Variants in PDZRN3 observed in about 807,000 individuals in gnomAD.
PDZRN3 encodes E3 ubiquitin-protein ligase PDZRN3.
A neutral mutation model predicts 85.7 loss-of-function variants in PDZRN3; 38 were observed. The observed-to-expected ratio is 0.44, with a 90% CI of 0.34 to 0.58. The LOEUF (loss-of-function observed/expected upper bound fraction) is 0.58, where lower values mean the gene tolerates loss of function less well. Among genes scored for constraint, PDZRN3 ranks in the 20% least tolerant of loss-of-function variants. The pLI is 0.01. For missense variants in PDZRN3, 1,629 were observed against 1,506.4 expected, an observed-to-expected ratio of 1.08 and a Z score of -1.35; for synonymous variants, 759 against 638.0, an observed-to-expected ratio of 1.19 and a Z score of -2.86.
In PDZRN3 at chr3:73,526,479, C is replaced by T. The variant is rs78954128; in HGVS notation, c.918+75875G>A. 3.4e-3 allele frequency among the ~76,000 whole-genome samples: 522 copies of T among 152,280 alleles called. 2 individuals are homozygous for T. Among genetic ancestry groups the T allele is most frequent in the African/African-American group, 0.012 (489 of 41,546 alleles). ...TAAACTCAGAACATTATCTCCATTA[C>T]ATCTCTCCTGTCAGGTTTTCACATC... On this transcript the variant is annotated intron_variant, in intron 3 of 9. Transcript: ENST00000263666.
At chr3:73,398,612 G>A (rs1418899460) in intron 5 of PDZRN3, among the ~76,000 whole-genome samples, 2 of 152,218 alleles carry the variant, frequency 1.3e-5, no homozygotes, top group African/African-American at 4.8e-5. Context: ...CCCTCCTGCT[G>A]AAAGCAGGAT....
chr3:73,528,501 T>A (rs1159767220), intron 3 of PDZRN3, among the ~76,000 whole-genome samples: 1 of 152,194 alleles, frequency 6.6e-6, no homozygotes, highest in African/African-American at 2.4e-5. Flanking sequence ...GGGGATAAAC[T>A]GTCAAGAATA....
chr3:73,408,958 C>T (rs1012877581), intron 3 of PDZRN3, among the ~76,000 whole-genome samples: 28 of 152,076 alleles, frequency 1.8e-4, no homozygotes, highest in African/African-American at 6.0e-4. Context: ...ACGTTTGGCC[C>T]GGTCAAATTC....
intron 3 of PDZRN3, among the ~76,000 whole-genome samples, chr3:73,544,644 A>G (rs1168121815): frequency 6.7e-6 from 1 of 149,990 alleles, no homozygotes; most frequent in Non-Finnish European, 1.5e-5. Context: ...ATTCAGCTTT[A>G]TTGAATTTTT....
intron 3 of PDZRN3, among the ~76,000 whole-genome samples, chr3:73,541,396 T>C (rs887321343): frequency 5.1e-4 from 77 of 152,356 alleles, no homozygotes; most frequent in African/African-American, 1.5e-3. Context: ...AAATTCTTGA[T>C]ACATATTAAT....
intron 4 of PDZRN3, 107 bp from the exon 5 acceptor site, chr3:73,401,116 G>T: frequency 1.3e-6 from 1 of 789,904 alleles, no homozygotes; most frequent in Non-Finnish European, 2.2e-6. Context: ...CAGGGTGTGG[G>T]CCCTTTCATG....
chr3:73,615,628 G>C (rs563971091), intron 1 of PDZRN3, among the ~76,000 whole-genome samples: 1 of 152,134 alleles, frequency 6.6e-6, no homozygotes, highest in Non-Finnish European at 1.5e-5. Flanking sequence ...CCAGTAAGTG[G>C]GTCCTCACCA....
intron 3 of PDZRN3, among the ~76,000 whole-genome samples, chr3:73,456,310 A>G (rs1480280310): frequency 6.6e-6 from 1 of 152,238 alleles, no homozygotes; most frequent in Non-Finnish European, 1.5e-5. Flanking sequence ...GTTGGCAAAT[A>G]CTTGTTGTAT....
At chr3:73,463,379 G>C (rs1334860746) in intron 3 of PDZRN3, among the ~76,000 whole-genome samples, 2 of 152,200 alleles carry the variant, frequency 1.3e-5, no homozygotes, top group African/African-American at 4.8e-5. Context: ...AGCACCAGAA[G>C]CCATTTTTTC....
Position 73,384,476 on chromosome 3 carries a change from A to C in PDZRN3, c.2090T>G (p.Leu697Arg). The C allele has an allele frequency of 1.2e-6, 2 of 1,613,370 alleles. No individual in the cohort carries two copies. The highest frequency in any genetic ancestry group is 1.7e-6 in the Non-Finnish European group (2 of 1,180,000). The change falls in exon 10 of 10, where the codon CTG becomes CGG. Residue 697 changes from leucine (L) to arginine (R), a missense_variant. Leu to Arg is a moderately radical substitution (Grantham distance 102). Coordinates refer to ENST00000263666, the MANE Select transcript of PDZRN3 (RefSeq NM_015009.3). ...LLNEELRSIELECLSIVRAHK... is the reference protein window; with the variant it reads ...LLNEELRSIERECLSIVRAHK... ...GGCGCGCACGATGCTCAGGCACTCC[A>C]GCTCGATGCTGCGCAGCTCTTCGTT...
rs1703298928 is a variant in PDZRN3, at chr3:73,383,445, G to A, written c.3121C>T (p.Gln1041Ter). Residue 1041 changes from glutamine (Q) to a stop codon, truncating the protein, a stop_gained, in exon 10 of 10, where the codon CAA becomes TAA. Coordinates refer to ENST00000263666, the MANE Select transcript of PDZRN3 (RefSeq NM_015009.3). LOFTEE classifies it high-confidence loss of function. ...TTTGTGCCGTGGGTTAAGAGTTCTT[G>A]GATCGTCATCCAGTTATCGAAGATT... is the stretch of plus-strand genomic sequence containing the variant. ...KKIFDNWMTI[Q>*]ELLTHGTKSP... The A allele has an allele frequency of 6.2e-7, 1 of 1,613,962 alleles. No homozygotes were observed.
chr3:73,620,691 C>T (rs929715344), intron 1 of PDZRN3, among the ~76,000 whole-genome samples: 15 of 151,952 alleles, frequency 9.9e-5, no homozygotes, highest in Non-Finnish European at 2.2e-4. Context: ...ATTCTCCTGC[C>T]TCAGCCTCCC....
intron 1 of PDZRN3, among the ~76,000 whole-genome samples, chr3:73,619,801 G>A (rs1044048114): frequency 1.3e-5 from 2 of 152,170 alleles, no homozygotes; most frequent in African/African-American, 4.8e-5. Context: ...GGAGGCTTGA[G>A]GGAGAGTGAT....
chr3:73,569,428 C>T (rs59217439), intron 3 of PDZRN3: 533,935 of 1,146,318 alleles, frequency 0.47, 125,123 homozygotes, highest in Non-Finnish European at 0.47. Flanking sequence ...CTGTCTCTTC[C>T]ATGTCACGTT....
chr3:73,508,659 A>C (rs1704110827), intron 3 of PDZRN3, among the ~76,000 whole-genome samples: 1 of 152,200 alleles, frequency 6.6e-6, no homozygotes, highest in Non-Finnish European at 1.5e-5. Flanking sequence ...ATTAGCTCCC[A>C]GGTAAATCCT....
intron 3 of PDZRN3, among the ~76,000 whole-genome samples, chr3:73,548,324 G>T (rs1701475713): frequency 6.6e-6 from 1 of 152,196 alleles, no homozygotes; most frequent in African/African-American, 2.4e-5. Flanking sequence ...ATATTTTGCT[G>T]GCTGCTGGGA....
At chr3:73,403,678 T>C (rs1575626110) in intron 4 of PDZRN3, among the ~76,000 whole-genome samples, 2 of 152,204 alleles carry the variant, frequency 1.3e-5, no homozygotes, top group Admixed American at 1.3e-4. Context: ...AATTGGTTGA[T>C]GCAGTACTTA....
At chr3:73,388,893 T>C (rs1701456077) in intron 7 of PDZRN3, among the ~76,000 whole-genome samples, 1 of 128,378 alleles carries the variant, frequency 7.8e-6, no homozygotes, top group South Asian at 2.6e-4. Flanking sequence ...AGTGCTTCCA[T>C]TCTCAGTAGT....
intron 3 of PDZRN3, among the ~76,000 whole-genome samples, chr3:73,547,771 T>C (rs1269673174): frequency 1.3e-5 from 2 of 152,218 alleles, no homozygotes; most frequent in East Asian, 1.9e-4. Context: ...CTAAGTCCAC[T>C]GCAGACTCAG....
Sources: gnomAD v4.1 joint callset for allele counts (sites outside exome capture counted in the v4.1 genomes callset) on GRCh38, gnomAD v4.1.1 for gene constraint, MANE v1.5 for transcripts, NCBI Gene and HGNC (gene_info 2026-07-23, HGNC 2026-07-21) for gene names.